STIM1: variants seen among roughly 807,000 people sequenced by gnomAD.
STIM1 encodes the protein stromal interaction molecule 1.
A neutral mutation model predicts 74.7 loss-of-function variants in STIM1; 25 were observed. That is an observed-to-expected ratio of 0.33 (90% CI 0.24 to 0.47). The LOEUF (loss-of-function observed/expected upper bound fraction) is 0.47, where lower values mean the gene tolerates loss of function less well. STIM1 is among the 20% of genes least tolerant of loss of function. STIM1 has a pLI of 1.00. For synonymous variants in STIM1, 328 were observed against 348.8 expected (o/e 0.94, Z 0.66); for missense variants, 728 against 920.8 (o/e 0.79, Z 2.71).
chr11:3,971,074 T>C (rs2093388211), intron 2 of STIM1, among the ~76,000 whole-genome samples: 1 of 152,142 alleles, frequency 6.6e-6, no homozygotes, highest in African/African-American at 2.4e-5. Context: ...ATTCCATAGA[T>C]ATACAAGATG....
At chr11:3,950,897 G>A (rs569350699) in intron 1 of STIM1, among the ~76,000 whole-genome samples, 20 of 152,190 alleles carry the variant, frequency 1.3e-4, no homozygotes, top group Admixed American at 4.6e-4. Context: ...CAAAGTATTG[G>A]GATTACAGGC....
At chr11:3,940,993 G>A (rs530179548) in intron 1 of STIM1, among the ~76,000 whole-genome samples, 1 of 152,270 alleles carries the variant, frequency 6.6e-6, no homozygotes, top group South Asian at 2.1e-4. Context: ...CCACCACTTA[G>A]TTTACTTCTC....
chr11:3,914,910 ACTT>A (rs945360151), intron 1 of STIM1, among the ~76,000 whole-genome samples: 3 of 151,732 alleles, frequency 2.0e-5, no homozygotes, highest in African/African-American at 7.3e-5. Flanking sequence ...CTTTGCCAGT[ACTT>A]CTTTTTTTTT....
At chr11:4,088,902 C>T (rs2133252294) in intron 12 of STIM1, 1 of 694,668 alleles carries the variant, frequency 1.4e-6, no homozygotes, top group African/African-American at 1.8e-5. Flanking sequence ...CTTGCTTTGG[C>T]AGTCCCAACT....
chr11:3,910,020 GA>G (rs35311525), intron 1 of STIM1, among the ~76,000 whole-genome samples: 2 of 151,930 alleles, frequency 1.3e-5, no homozygotes, highest in African/African-American at 2.4e-5. Flanking sequence ...CAGGGTGAAA[GA>G]AAAAAATATG....
At chr11:3,922,662 C>A in intron 1 of STIM1, 2 of 190,100 alleles carry the variant, frequency 1.1e-5, no homozygotes, top group Admixed American at 4.9e-5. Flanking sequence ...TCCATTCCAG[C>A]TTGCTCGGTA....
intron 1 of STIM1, chr11:3,892,367 T>C: frequency 1.5e-6 from 2 of 1,303,186 alleles, no homozygotes; most frequent in Non-Finnish European, 2.2e-6. Context: ...GTCTGGTGGC[T>C]AAGATAAAAC....
chr11:4,049,744 AC>A (rs2094224416), intron 3 of STIM1: 1 of 146,488 alleles, frequency 6.8e-6, no homozygotes, highest in African/African-American at 2.5e-5. Context: ...ACACACACAC[AC>A]ACACACACAC....
intron 1 of STIM1, among the ~76,000 whole-genome samples, chr11:3,934,691 A>T (rs1306353725): frequency 6.6e-6 from 1 of 152,238 alleles, no homozygotes; most frequent in Non-Finnish European, 1.5e-5. Context: ...GTGTACAACT[A>T]TCTTGTGTAC....
intron 1 of STIM1, chr11:3,892,418 G>C (rs1045409070): frequency 2.1e-6 from 3 of 1,448,566 alleles, no homozygotes; most frequent in Admixed American, 1.7e-5. Context: ...GTCAGCAGTG[G>C]TGATCTTCTT....
intron 1 of STIM1, among the ~76,000 whole-genome samples, chr11:3,857,852 C>T (rs1160889625): frequency 2.6e-5 from 4 of 152,140 alleles, no homozygotes; most frequent in African/African-American, 9.7e-5. Context: ...GGTCTGGTTT[C>T]CAAATGAGGC....
chr11:3,990,470 G>T (rs1392402080), intron 2 of STIM1, among the ~76,000 whole-genome samples: 1 of 152,154 alleles, frequency 6.6e-6, no homozygotes, highest in East Asian at 1.9e-4. Flanking sequence ...GAATTGCTGG[G>T]TCATATGGTA....
At chr11:3,870,869 CTTTTTTTTTTT>C (rs1178631644) in intron 1 of STIM1, among the ~76,000 whole-genome samples, 28 of 98,156 alleles carry the variant, frequency 2.9e-4, no homozygotes, top group Admixed American at 4.7e-4. Flanking sequence ...ATCAGCTACT[CTTTTTTTTTTT>C]TTTTTTTTTT....
At chr11:3,981,746 A>G (rs1290755347) in intron 2 of STIM1, among the ~76,000 whole-genome samples, 2 of 152,144 alleles carry the variant, frequency 1.3e-5, no homozygotes, top group African/African-American at 4.8e-5. Flanking sequence ...CTTCTGCCCT[A>G]TGTTATGAAT....
intron 1 of STIM1, among the ~76,000 whole-genome samples, chr11:3,950,867 G>T (rs2093138493): frequency 1.3e-5 from 2 of 151,934 alleles, no homozygotes; most frequent in South Asian, 4.1e-4. Flanking sequence ...TAGCTCAAGT[G>T]ATCCTCCGCC....
chr11:4,022,035 T>C (rs2093959896), intron 2 of STIM1, among the ~76,000 whole-genome samples: 1 of 152,018 alleles, frequency 6.6e-6, no homozygotes, highest in Non-Finnish European at 1.5e-5. Context: ...TTTCTAGATT[T>C]AATATCATGT....
chr11:4,063,461 T>C, intron 5 of STIM1, among the ~76,000 whole-genome samples: 1 of 152,230 alleles, frequency 6.6e-6, no homozygotes, highest in Admixed American at 6.5e-5. Flanking sequence ...GTGTCGGAAT[T>C]TTTAAGCAAT....
intron 7 of STIM1, 37 bp downstream of exon 7, chr11:4,074,716 G>T (rs201096464): frequency 3.2e-6 from 5 of 1,549,494 alleles, no homozygotes; most frequent in Non-Finnish European, 4.4e-6. Context: ...ACCTTGACGG[G>T]TGGGTAAAGG....
chr11:4,034,803 G>A (rs1396673549), intron 3 of STIM1, among the ~76,000 whole-genome samples: 1 of 152,038 alleles, frequency 6.6e-6, no homozygotes, highest in Admixed American at 6.5e-5. Flanking sequence ...TAGGTATAAG[G>A]CTGTTCAGGT....
Sources: allele counts gnomAD v4.1 joint callset (sites outside exome capture counted in the v4.1 genomes callset), GRCh38; gene constraint gnomAD v4.1.1; transcripts MANE v1.5; gene names NCBI Gene and HGNC (gene_info 2026-07-23, HGNC 2026-07-21).